ASB1: variants seen among roughly 807,000 people sequenced by gnomAD.
The protein encoded by ASB1 is ankyrin repeat and SOCS box protein 1.
In ASB1, 18 loss-of-function variants were observed where a neutral mutation model predicts 27.7. The observed-to-expected ratio is 0.65, with a 90% CI of 0.45 to 0.96. The LOEUF is 0.96. ASB1 is among the 50% of genes least tolerant of loss of function. The pLI, the probability that ASB1 is intolerant of heterozygous loss-of-function variation, is 0.00. For synonymous variants in ASB1, 189 were observed against 187.6 expected (o/e 1.01, Z -0.06); for missense variants, 397 against 451.7 (o/e 0.88, Z 1.10).
Position 238,444,439 on chromosome 2 carries a change from A to C in ASB1, c.592A>C (p.Ile198Leu). 6.2e-7 allele frequency: 1 copy of C among 1,614,140 alleles called. No individual in the cohort carries two copies. Among genetic ancestry groups the C allele is most frequent in the Non-Finnish European group, 8.5e-7 (1 of 1,180,034 alleles). The change falls in exon 4 of 5, where the codon ATC becomes CTC. Residue 198 changes from isoleucine to leucine, a missense_variant. Transcript: ENST00000264607. ...LTSLVVCPLY[I>L]SAAYHNLQCF... is the part of the protein sequence containing the mutation. ...CTCCTTGGTGGTCTGCCCCTTGTAC[A>C]TCAGCGCAGCCTACCACAACCTCCA... is the stretch of plus-strand genomic sequence containing the variant.
intron 3 of ASB1, among the ~76,000 whole-genome samples, chr2:238,443,451 T>C (rs1224696634): frequency 6.6e-6 from 1 of 152,206 alleles, no homozygotes; most frequent in Non-Finnish European, 1.5e-5. Context: ...TTGTATCCTC[T>C]GAAAATAGGA....
rs1315050346 is a variant in ASB1, at chr2:238,452,194, G to A, written c.*5683G>A. On this transcript the variant is annotated 3_prime_UTR_variant, in exon 5 of 5. Coordinates refer to ENST00000264607, the MANE Select transcript of ASB1 (RefSeq NM_001040445.3). ...CGGTGGGAGGGTGAGATGTGAAGAT[G>A]TGGGATGAACCTGGAATGAACGAAT... 6.6e-6 allele frequency: 1 copy of A among 152,250 alleles called. No individual in the cohort carries two copies. The highest frequency in any genetic ancestry group is 1.5e-5 in the Non-Finnish European group (1 of 68,056). 9.4% of individuals were successfully genotyped at this position (152,250 alleles called of 1,614,324 possible).
intron 3 of ASB1, among the ~76,000 whole-genome samples, chr2:238,438,268 C>A (rs1424924245): frequency 7.4e-6 from 1 of 135,904 alleles, no homozygotes; most frequent in Admixed American, 8.9e-5. Flanking sequence ...GGCGCTATCT[C>A]GGTTCACTGC....
chr2:238,430,711 G>A (rs1243297908), intron 1 of ASB1, among the ~76,000 whole-genome samples: 1 of 152,220 alleles, frequency 6.6e-6, no homozygotes, highest in African/African-American at 2.4e-5. Flanking sequence ...ATGATAACAC[G>A]TGAAAGTCAG....
intron 3 of ASB1, among the ~76,000 whole-genome samples, chr2:238,439,811 T>A (rs1702046410): frequency 6.6e-6 from 1 of 152,200 alleles, no homozygotes; most frequent in Non-Finnish European, 1.5e-5. Context: ...GTTATTTGAT[T>A]AAGGTGGTGC....
At chr2:238,434,382 C>G (rs890609022) in intron 2 of ASB1, among the ~76,000 whole-genome samples, 64 of 152,274 alleles carry the variant, frequency 4.2e-4, no homozygotes, top group African/African-American at 1.2e-3. Flanking sequence ...GGTTGCAGTC[C>G]CAGCTAGAGC....
At chr2:238,440,251 T>A (rs934843619) in intron 3 of ASB1, among the ~76,000 whole-genome samples, 10 of 152,168 alleles carry the variant, frequency 6.6e-5, no homozygotes, top group African/African-American at 1.9e-4. Flanking sequence ...ACACTAGGAG[T>A]GCCTATTGCT....
chr2:238,430,798 A>C (rs1391240406), intron 1 of ASB1, among the ~76,000 whole-genome samples: 1 of 152,230 alleles, frequency 6.6e-6, no homozygotes, highest in Non-Finnish European at 1.5e-5. Flanking sequence ...GTACATCTCC[A>C]TGAGAGCTCT....
chr2:238,443,245 G>C (rs986963357), intron 3 of ASB1, among the ~76,000 whole-genome samples: 2 of 151,964 alleles, frequency 1.3e-5, no homozygotes, highest in Admixed American at 1.3e-4. Context: ...TATCATTTTT[G>C]TTATGCAAAT....
rs910928375 is a variant in ASB1, at chr2:238,446,577, C to G, written c.*66C>G. 9.5e-6 allele frequency: 15 copies of G among 1,587,066 alleles called. No individual in the cohort carries two copies. The South Asian group carries it at 1.7e-4, about 18-fold the overall frequency. On this transcript the variant is annotated 3_prime_UTR_variant, in exon 5 of 5. Transcript: ENST00000264607. ...ATCTGCAGGGAGGTGGACACCGAGC[C>G]CTGAGTGCTGTGCTGCTGCTGGTCT...
chr2:238,448,418 G>T lies in ASB1; in HGVS notation c.*1907G>T. ...GCTCATCACCCTGGTAGGGCTGATA[G>T]GGGCTTTCAGGGAGGCTGGTTAGCT... On this transcript the variant is annotated 3_prime_UTR_variant, in exon 5 of 5. Transcript: ENST00000264607. 6.6e-6 allele frequency: 1 copy of T among 152,402 alleles called. No homozygotes were observed. 9.4% of individuals were successfully genotyped at this position (152,402 alleles called of 1,614,324 possible).
rs759586107 is a variant in ASB1 at position 238,444,657 on chromosome 2, G to A, written c.810G>A (p.Ser270=). The A allele has an allele frequency of 8.1e-6, 13 of 1,614,032 alleles. No individual in the cohort carries two copies. Among genetic ancestry groups the A allele is most frequent in the Admixed American group, 5.0e-5 (3 of 60,002 alleles). The change falls in exon 4 of 5, where the codon TCG becomes TCA. Residue 270 remains serine (S), a synonymous_variant. Transcript: ENST00000264607. ...ACCTGAATCTAGTGAAGTGGGAATC[G>A]CTGGGCCCAGAGTCGAGAGGAAGAA... ...GANLNLVKWE[S]LGPESRGRRK...
chr2:238,433,687 C>T lies in ASB1; in HGVS notation c.183C>T (p.Ser61=). ...TCAGGAGCCTATTGCAAGAGGAGAG[C>T]TACCGGAGGTGAGCGGCGCTGCCCA... is the stretch of plus-strand genomic sequence containing the variant. ...QTLRSLLQEE[S]YRSRINEKSV... is the part of the protein sequence containing the mutation. The change falls in exon 2 of 5, where the codon AGC becomes AGT. Residue 61 remains serine (S), a synonymous_variant. Transcript: ENST00000264607. The T allele has an allele frequency of 6.2e-7, 1 of 1,613,944 alleles. No individual in the cohort carries two copies. The highest frequency in any genetic ancestry group is 1.1e-5 in the South Asian group (1 of 91,076).
chr2:238,442,988 C>G (rs766471048), intron 3 of ASB1, among the ~76,000 whole-genome samples: 5 of 152,200 alleles, frequency 3.3e-5, no homozygotes, highest in Non-Finnish European at 7.3e-5. Flanking sequence ...CCACCACCCC[C>G]TTCTTGCTTG....
At chr2:238,444,081 G>A (rs1702129410) in intron 3 of ASB1, among the ~76,000 whole-genome samples, 1 of 152,170 alleles carries the variant, frequency 6.6e-6, no homozygotes, top group Non-Finnish European at 1.5e-5. Flanking sequence ...AGTTTAAATA[G>A]CCTTGGGATT....
chr2:238,431,657 GTTTC>G (rs1480609158), intron 1 of ASB1, among the ~76,000 whole-genome samples: 1 of 152,168 alleles, frequency 6.6e-6, no homozygotes, highest in East Asian at 1.9e-4. Flanking sequence ...ATGTGTGACT[GTTTC>G]TTTAACTTGA....
At position 238,444,696 on chromosome 2, in the gene ASB1, T is replaced by C. The variant is rs751377439; in HGVS notation, c.849T>C (p.Pro283=). 6.2e-7 allele frequency: 1 copy of C among 1,613,586 alleles called. No homozygotes were observed. The highest frequency in any genetic ancestry group is 8.5e-7 in the Non-Finnish European group (1 of 1,179,798). ...CGAGAGGAAGAAGAAAAGTGGACCC[T>C]GAGGCCTTGCAGGTCTTTAAAGAGG... ...PESRGRRKVD[P]EALQVFKEAR... is the part of the protein sequence containing the mutation. The change falls in exon 4 of 5, where the codon CCT becomes CCC. Residue 283 remains proline, a synonymous_variant. Coordinates refer to ENST00000264607, the MANE Select transcript of ASB1 (RefSeq NM_001040445.3).
chr2:238,435,685 T>A, intron 2 of ASB1, 26 bp from the exon 3 acceptor site: 1 of 1,593,798 alleles, frequency 6.3e-7, no homozygotes, highest in Non-Finnish European at 8.6e-7. Flanking sequence ...CTGCCTCTCA[T>A]GAGCCCCCTT....
intron 1 of ASB1, among the ~76,000 whole-genome samples, chr2:238,431,947 A>C (rs926262251): frequency 3.3e-5 from 5 of 152,236 alleles, no homozygotes; most frequent in Non-Finnish European, 7.3e-5. Context: ...TGTGACCCAG[A>C]AGACACAAAA....
Sources: gnomAD v4.1 joint callset for allele counts (sites outside exome capture counted in the v4.1 genomes callset) on GRCh38, gnomAD v4.1.1 for gene constraint, MANE v1.5 for transcripts, NCBI Gene and HGNC (gene_info 2026-07-23, HGNC 2026-07-21) for gene names.